The following GRM7 variants were observed in gnomAD, a reference collection of about 807,000 sequenced individuals.
The protein encoded by GRM7 is metabotropic glutamate receptor 7.
GRM7 carries 35 observed loss-of-function variants against 84.5 expected under a neutral mutation model. That is an observed-to-expected ratio of 0.41 (90% CI 0.32 to 0.55). The LOEUF (loss-of-function observed/expected upper bound fraction) is 0.55, where lower values mean the gene tolerates loss of function less well. Ranked by LOEUF, GRM7 falls within the 20% of genes least tolerant of loss-of-function variation. The probability of loss-of-function intolerance (pLI) is 0.19; values close to 1 mark genes in which losing one functional copy is unlikely to be tolerated. For synonymous variants in GRM7, 487 were observed against 455.1 expected (o/e 1.07, Z -0.89); for missense variants, 1,003 against 1,194.6 (o/e 0.84, Z 2.36).
At chr3:7,643,113 C>T (rs1196912475) in intron 8 of GRM7, among the ~76,000 whole-genome samples, 2 of 152,128 alleles carry the variant, frequency 1.3e-5, no homozygotes, top group African/African-American at 4.8e-5. Context: ...ACATGCAGAT[C>T]CCTATACGCC....
At chr3:7,266,667 A>T (rs893760611) in intron 2 of GRM7, among the ~76,000 whole-genome samples, 12 of 152,154 alleles carry the variant, frequency 7.9e-5, no homozygotes, top group African/African-American at 2.2e-4. Flanking sequence ...TCAGCTCACA[A>T]TTTTTGATAT....
intron 8 of GRM7, among the ~76,000 whole-genome samples, chr3:7,656,544 C>CGT (rs1444442613): frequency 1.4e-4 from 2 of 14,800 alleles, no homozygotes; most frequent in East Asian, 5.5e-4. Context: ...TATATACGCG[C>CGT]GCGCACACAC....
chr3:7,052,261 T>TCTG (rs1469441869), intron 1 of GRM7, among the ~76,000 whole-genome samples: 2 of 151,760 alleles, frequency 1.3e-5, no homozygotes, highest in Non-Finnish European at 3.0e-5. Flanking sequence ...TGCCCTGTTC[T>TCTG]CTGCTTCACA....
At chr3:7,512,429 C>A (rs1700239887) in intron 7 of GRM7, among the ~76,000 whole-genome samples, 1 of 152,112 alleles carries the variant, frequency 6.6e-6, no homozygotes, top group African/African-American at 2.4e-5. Context: ...TTCTGGAGAG[C>A]CCAAACACAG....
chr3:7,587,918 A>G (rs1559422658), intron 8 of GRM7, among the ~76,000 whole-genome samples: 1 of 152,108 alleles, frequency 6.6e-6, no homozygotes, highest in Non-Finnish European at 1.5e-5. Context: ...TGAACCCCTT[A>G]TACCAAAGAA....
At chr3:7,400,917 A>T (rs1695421562) in intron 4 of GRM7, among the ~76,000 whole-genome samples, 2 of 152,150 alleles carry the variant, frequency 1.3e-5, no homozygotes, top group Non-Finnish European at 2.9e-5. Context: ...GATGTTTGTG[A>T]GAATTGAAAT....
At chr3:7,581,011 T>C (rs1236238879) in intron 8 of GRM7, among the ~76,000 whole-genome samples, 5 of 152,174 alleles carry the variant, frequency 3.3e-5, no homozygotes, top group Non-Finnish European at 7.4e-5. Flanking sequence ...AACAACTCAA[T>C]ACCTCATGCA....
chr3:6,895,785 C>T (rs1390552629), intron 1 of GRM7, among the ~76,000 whole-genome samples: 1 of 152,154 alleles, frequency 6.6e-6, no homozygotes, highest in African/African-American at 2.4e-5. Context: ...AAGTTATCCA[C>T]ATAATATTTA....
intron 7 of GRM7, among the ~76,000 whole-genome samples, chr3:7,556,395 A>G (rs968036442): frequency 6.6e-6 from 1 of 152,136 alleles, no homozygotes; most frequent in Non-Finnish European, 1.5e-5. Flanking sequence ...GGGGCTTAAG[A>G]GATATTATTA....
chr3:6,976,051 A>C (rs1319497370), intron 1 of GRM7, among the ~76,000 whole-genome samples: 2 of 152,158 alleles, frequency 1.3e-5, no homozygotes, highest in African/African-American at 4.8e-5. Context: ...AAAAAGTCAG[A>C]ACTGGCACGG....
Position 7,525,974 on chromosome 3 carries a change from G to A in GRM7, c.1516-52448G>A, listed in dbSNP as rs139330437. Among the ~76,000 whole-genome samples the A allele has an allele frequency of 6.6e-3, 1,006 of 152,200 alleles. 14 individuals are homozygous for A. The highest frequency in any genetic ancestry group is 0.023 in the African/African-American group (957 of 41,532). The stretch of plus-strand genomic sequence containing the variant: ...TCCAATCCACCACCAATGGGCATCA[G>A]AAGTGATTTAAGTCTTTGCTACTGT... On this transcript the variant is annotated intron_variant, in intron 7 of 9. Transcript: ENST00000357716.
chr3:7,513,777 ACAT>A (rs1299826706), intron 7 of GRM7, among the ~76,000 whole-genome samples: 1 of 152,212 alleles, frequency 6.6e-6, no homozygotes, highest in Non-Finnish European at 1.5e-5. Context: ...TTAGAGAAGA[ACAT>A]CAGCAAAGAC....
At chr3:6,881,827 A>G (rs771833949) in intron 1 of GRM7, among the ~76,000 whole-genome samples, 1 of 152,134 alleles carries the variant, frequency 6.6e-6, no homozygotes, top group Non-Finnish European at 1.5e-5. Flanking sequence ...CCTAAGCCTT[A>G]TCTCAACACT....
intron 1 of GRM7, among the ~76,000 whole-genome samples, chr3:6,874,085 C>T (rs1388406991): frequency 2.6e-5 from 4 of 152,132 alleles, no homozygotes; most frequent in African/African-American, 7.2e-5. Flanking sequence ...CCTCTCTAAG[C>T]CTGTGTCTAC....
At chr3:7,479,671 A>G (rs911620939) in intron 7 of GRM7, among the ~76,000 whole-genome samples, 5 of 152,208 alleles carry the variant, frequency 3.3e-5, no homozygotes. Flanking sequence ...TCGCTCTCAC[A>G]GCTCACTTAT....
chr3:7,509,936 A>T (rs1055859289), intron 7 of GRM7, among the ~76,000 whole-genome samples: 1 of 152,186 alleles, frequency 6.6e-6, no homozygotes, highest in Non-Finnish European at 1.5e-5. Context: ...GTCATCTTGG[A>T]AAAAGAGAGC....
At chr3:7,421,506 C>T (rs759071875) in intron 5 of GRM7, among the ~76,000 whole-genome samples, 16 of 152,284 alleles carry the variant, frequency 1.1e-4, no homozygotes, top group Non-Finnish European at 2.1e-4. Context: ...CCCACATGGT[C>T]CACAGGCCTG....
intron 8 of GRM7, among the ~76,000 whole-genome samples, chr3:7,679,715 T>A (rs1700284764): frequency 6.6e-6 from 1 of 152,178 alleles, no homozygotes; most frequent in Non-Finnish European, 1.5e-5. Flanking sequence ...TAATCAAGAT[T>A]ACAGATTTCT....
At chr3:7,012,439 G>A (rs1368567103) in intron 1 of GRM7, among the ~76,000 whole-genome samples, 1 of 152,142 alleles carries the variant, frequency 6.6e-6, no homozygotes, top group Non-Finnish European at 1.5e-5. Flanking sequence ...ATATACCTAT[G>A]ATGGGGCTCC....
Sources: allele counts gnomAD v4.1 joint callset (sites outside exome capture counted in the v4.1 genomes callset), GRCh38; gene constraint gnomAD v4.1.1; transcripts MANE v1.5; gene names NCBI Gene and HGNC (gene_info 2026-07-23, HGNC 2026-07-21).